SNTG1: variants seen among roughly 807,000 people sequenced by gnomAD.
The protein encoded by SNTG1 is gamma-1-syntrophin.
Under a neutral mutation model 74.7 loss-of-function variants are expected in SNTG1, and 39 were observed. The ratio of observed to expected loss-of-function variants is 0.52; its 90% confidence interval spans 0.40 to 0.68. The LOEUF is 0.68. Ranked by LOEUF, SNTG1 falls within the 30% of genes least tolerant of loss-of-function variation. The pLI is 0.00. For synonymous variants in SNTG1, 254 were observed against 217.1 expected (o/e 1.17, Z -1.49); for missense variants, 685 against 609.5 (o/e 1.12, Z -1.30).
intron 2 of SNTG1, among the ~76,000 whole-genome samples, chr8:50,225,045 A>G (rs1162311866): frequency 6.6e-6 from 1 of 151,832 alleles, no homozygotes; most frequent in Non-Finnish European, 1.5e-5. Flanking sequence ...ATCTCCACTC[A>G]CTGCAAGCTC....
intron 13 of SNTG1, among the ~76,000 whole-genome samples, chr8:50,647,361 C>G (rs748733066): frequency 1.3e-5 from 2 of 151,778 alleles, no homozygotes; most frequent in African/African-American, 2.4e-5. Flanking sequence ...TAAAACTCAA[C>G]AATTAGAAAG....
At chr8:50,012,695 A>C (rs1815926242) in intron 1 of SNTG1, among the ~76,000 whole-genome samples, 1 of 152,130 alleles carries the variant, frequency 6.6e-6, no homozygotes, top group African/African-American at 2.4e-5. Flanking sequence ...ATGGGGGAGC[A>C]CTTGGGTGAG....
At chr8:50,416,024 G>C (rs1260575844) in intron 4 of SNTG1, among the ~76,000 whole-genome samples, 1 of 152,004 alleles carries the variant, frequency 6.6e-6, no homozygotes, top group African/African-American at 2.4e-5. Flanking sequence ...TTTCTTTGTA[G>C]CTTAATATTT....
intron 1 of SNTG1, among the ~76,000 whole-genome samples, chr8:49,976,289 G>A (rs1470450950): frequency 6.6e-6 from 1 of 152,190 alleles, no homozygotes; most frequent in Non-Finnish European, 1.5e-5. Context: ...ATATTTATAT[G>A]AAATTATATT....
intron 2 of SNTG1, among the ~76,000 whole-genome samples, chr8:50,229,682 G>A (rs1293850513): frequency 8.6e-5 from 13 of 151,124 alleles, no homozygotes; most frequent in Admixed American, 6.6e-4. Flanking sequence ...CATTGATTAA[G>A]CAGGCAAAAA....
At chr8:50,601,443 T>A (rs1425021337) in intron 13 of SNTG1, among the ~76,000 whole-genome samples, 1 of 152,140 alleles carries the variant, frequency 6.6e-6, no homozygotes, top group Non-Finnish European at 1.5e-5. Context: ...AAAATTCCTC[T>A]TGTTATTTAT....
At chr8:50,176,435 C>T (rs2083002104) in intron 2 of SNTG1, among the ~76,000 whole-genome samples, 1 of 152,196 alleles carries the variant, frequency 6.6e-6, no homozygotes, top group African/African-American at 2.4e-5. Flanking sequence ...GTACTGACTT[C>T]ATATCCTGGG....
chr8:50,160,225 A>G (rs952300258), intron 1 of SNTG1, among the ~76,000 whole-genome samples: 1 of 152,160 alleles, frequency 6.6e-6, no homozygotes, highest in Non-Finnish European at 1.5e-5. Context: ...ACTCACCTGG[A>G]GCCTTATGGA....
chr8:50,267,826 A>G (rs1365627131), intron 2 of SNTG1, among the ~76,000 whole-genome samples: 3 of 152,204 alleles, frequency 2.0e-5, no homozygotes, highest in Non-Finnish European at 4.4e-5. Flanking sequence ...ATCTACAGGA[A>G]AAATAGATAC....
intron 15 of SNTG1, among the ~76,000 whole-genome samples, chr8:50,699,552 A>G (rs1353793268): frequency 1.3e-5 from 2 of 152,226 alleles, no homozygotes; most frequent in African/African-American, 4.8e-5. Context: ...TGCTTTATAA[A>G]TCTGAGAGAA....
intron 17 of SNTG1, among the ~76,000 whole-genome samples, chr8:50,728,652 G>A (rs73678644): frequency 0.022 from 3,302 of 152,318 alleles, 103 homozygotes; most frequent in African/African-American, 0.071. Context: ...CTGTGTGCAT[G>A]AGGAGTCAGG....
At chr8:50,670,227 A>G (rs553508397) in intron 15 of SNTG1, among the ~76,000 whole-genome samples, 1 of 152,198 alleles carries the variant, frequency 6.6e-6, no homozygotes, top group African/African-American at 2.4e-5. Context: ...AAGGGTATTC[A>G]ATTAGGAAAA....
At chr8:49,932,891 C>CTT (rs937329992) in intron 1 of SNTG1, among the ~76,000 whole-genome samples, 1 of 152,178 alleles carries the variant, frequency 6.6e-6, no homozygotes, top group African/African-American at 2.4e-5. Context: ...ATGTGATTGA[C>CTT]TTCTTTCACT....
intron 3 of SNTG1, among the ~76,000 whole-genome samples, 159 bp downstream of exon 3, chr8:50,394,424 T>G (rs1052363385): frequency 1.3e-5 from 2 of 152,214 alleles, no homozygotes; most frequent in East Asian, 3.8e-4. Flanking sequence ...TCTGCAAAGA[T>G]AGAAAACCTA....
chr8:50,246,742 A>C (rs1041233227), intron 2 of SNTG1, among the ~76,000 whole-genome samples: 5 of 152,156 alleles, frequency 3.3e-5, no homozygotes, highest in Non-Finnish European at 7.4e-5. Flanking sequence ...TGGTAGGAAG[A>C]TATCATGATT....
intron 1 of SNTG1, among the ~76,000 whole-genome samples, chr8:49,914,008 T>C (rs1371527138): frequency 6.6e-5 from 10 of 152,288 alleles, no homozygotes; most frequent in Non-Finnish European, 8.8e-5. Context: ...CACAGAAATA[T>C]GTAACTCTAA....
intron 18 of SNTG1, among the ~76,000 whole-genome samples, chr8:50,791,391 A>G (rs192017729): frequency 9.9e-5 from 15 of 152,018 alleles, no homozygotes; most frequent in African/African-American, 3.6e-4. Context: ...AAAGGAAACT[A>G]TCAAATATTG....
At chr8:50,525,543 C>A (rs1179024531) in intron 9 of SNTG1, among the ~76,000 whole-genome samples, 2 of 151,964 alleles carry the variant, frequency 1.3e-5, no homozygotes, top group African/African-American at 4.8e-5. Context: ...AATCTCTTAG[C>A]ATTTCTTCAC....
rs570313606 is a variant in SNTG1, at chr8:50,370,469, TTTG to T, written c.-27-23742_-27-23740del. ...AGCCAGTAAATTGGAATGACTCATT[TTTG>T]CCAGTAGAGGAGGCTTCTCCATTTT... On this transcript the variant is annotated intron_variant, in intron 2 of 18. Coordinates refer to ENST00000642720, the MANE Select transcript of SNTG1 (RefSeq NM_018967.5). 6.6e-5 allele frequency among the ~76,000 whole-genome samples: 10 copies of T among 152,220 alleles called. No individual in the cohort carries two copies. In the East Asian group the frequency reaches 1.7e-3, roughly 27 times the overall value.
Sources: gnomAD v4.1 joint callset for allele counts (sites outside exome capture counted in the v4.1 genomes callset) on GRCh38, gnomAD v4.1.1 for gene constraint, MANE v1.5 for transcripts, NCBI Gene and HGNC (gene_info 2026-07-23, HGNC 2026-07-21) for gene names.